Variants in NBPF3 observed in about 807,000 individuals in gnomAD.
NBPF3 encodes the protein NBPF member 3.
NBPF3 carries 57 observed loss-of-function variants against 78.1 expected under a neutral mutation model. The observed-to-expected ratio is 0.73, with a 90% CI of 0.59 to 0.91. The LOEUF is 0.91. Among genes scored for constraint, NBPF3 ranks in the 40% least tolerant of loss-of-function variants. The pLI is 0.00. For synonymous variants in NBPF3, 182 were observed against 271.7 expected (o/e 0.67, Z 3.25); for missense variants, 510 against 715.3 (o/e 0.71, Z 3.27).
intron 2 of NBPF3, chr1:21,466,999 T>C (rs1453825025): frequency 1.0e-6 from 1 of 984,804 alleles, no homozygotes; most frequent in East Asian, 1.1e-4. Flanking sequence ...TTGGCAGTGC[T>C]GAAAACTCAC....
chr1:21,452,351 G>A (rs998302476), intron 2 of NBPF3, among the ~76,000 whole-genome samples: 4 of 152,192 alleles, frequency 2.6e-5, no homozygotes, highest in African/African-American at 9.7e-5. Flanking sequence ...CCTGGACACA[G>A]TAGACAAAGG....
At chr1:21,453,587 C>T (rs1422677790) in intron 2 of NBPF3, 1 of 152,186 alleles carries the variant, frequency 6.6e-6, no homozygotes, top group African/African-American at 2.4e-5. Context: ...GGGACTTGGC[C>T]ATCTAGAGAT....
At chr1:21,439,940 C>T (rs1051326123), upstream of NBPF3, among the ~76,000 whole-genome samples, 2 of 152,166 alleles carry the variant, frequency 1.3e-5, no homozygotes, top group African/African-American at 4.8e-5. Context: ...ATTCCCCGTC[C>T]CAGCTGCACT....
intron 2 of NBPF3, chr1:21,446,481 CCTTCCTTCCTTCCCTA>C (rs1323661108): frequency 2.7e-5 from 4 of 147,902 alleles, no homozygotes; most frequent in African/African-American, 9.9e-5. Flanking sequence ...TTCCTTCCTT[CCTTCCTTCCTTCCCTA>C]CTTCCCTCCA....
chr1:21,444,782 A>G (rs1640865998), intron 1 of NBPF3, among the ~76,000 whole-genome samples, 166 bp from the exon 2 acceptor site: 1 of 152,026 alleles, frequency 6.6e-6, no homozygotes, highest in African/African-American at 2.4e-5. Flanking sequence ...GCTGGTCAGG[A>G]CTGTTGATTA....
At chr1:21,458,798 G>A (rs979037359) in intron 2 of NBPF3, among the ~76,000 whole-genome samples, 3 of 152,190 alleles carry the variant, frequency 2.0e-5, no homozygotes, top group African/African-American at 7.2e-5. Context: ...AAACTTTGGG[G>A]CGTAGGGAAA....
At chr1:21,443,158 T>C (rs1640759370) in intron 1 of NBPF3, among the ~76,000 whole-genome samples, 1 of 152,236 alleles carries the variant, frequency 6.6e-6, no homozygotes, top group Non-Finnish European at 1.5e-5. Context: ...ATCCTGTCTC[T>C]ACAAAAGATA....
chr1:21,484,268 T>C lies in NBPF3; in HGVS notation c.*882T>C, dbSNP rs530034361. On this transcript the variant is annotated 3_prime_UTR_variant, in exon 15 of 15. Coordinates refer to ENST00000318249, the MANE Select transcript of NBPF3 (RefSeq NM_032264.6). The stretch of plus-strand genomic sequence containing the variant: ...ACAACAAAAAGGAGGAGAGATATTT[T>C]GGGTTCAGAAGAAGTAAATGATAAT... 3.3e-4 allele frequency: 48 copies of C among 146,312 alleles called. No individual in the cohort carries two copies. The highest frequency in any genetic ancestry group is 1.1e-3 in the African/African-American group (45 of 39,660). The allele number at this position is 146,312 out of a possible 1,614,324, so 9.1% of individuals were successfully genotyped here. A position where few individuals can be genotyped will look rare whatever the true frequency, so the allele number is the denominator to read the frequency against.
intron 2 of NBPF3, among the ~76,000 whole-genome samples, chr1:21,463,867 C>T (rs570692859): frequency 2.0e-5 from 3 of 152,276 alleles, no homozygotes; most frequent in East Asian, 3.9e-4. Context: ...CAATGTTTTT[C>T]GTCATTAGGA....
intron 2 of NBPF3, among the ~76,000 whole-genome samples, chr1:21,452,209 G>C (rs1405891270): frequency 1.3e-5 from 2 of 152,160 alleles, no homozygotes; most frequent in Non-Finnish European, 2.9e-5. Flanking sequence ...CAAGTTTGCT[G>C]TCTGTCCCCT....
Position 21,444,981 on chromosome 1 carries a change from C to T in NBPF3, c.-106C>T, listed in dbSNP as rs1640879012. On this transcript the variant is annotated 5_prime_UTR_variant, in exon 2 of 15. Transcript: ENST00000318249. ...AAGGCAAATCCTGTTTAGACCCAGG[C>T]GAAGGTTCCTGGTGACCCAGGCTCT... 1.1e-5 allele frequency: 14 copies of T among 1,292,878 alleles called. No individual in the cohort carries two copies. Among genetic ancestry groups the T allele is most frequent in the East Asian group, 2.4e-5 (1 of 40,910 alleles). The allele number at this position is 1,292,878 out of a possible 1,614,324, so 80.1% of individuals were successfully genotyped here.
intron 9 of NBPF3, among the ~76,000 whole-genome samples, chr1:21,478,524 C>T (rs943529517): frequency 6.6e-6 from 1 of 152,236 alleles, no homozygotes; most frequent in African/African-American, 2.4e-5. Flanking sequence ...TCAGGCCATG[C>T]CTGTGCCACC....
chr1:21,464,456 G>C lies in NBPF3; in HGVS notation c.134-4232G>C, dbSNP rs183722745. ...AGTGGTTGTCAGAGAGCACAAGAGG[G>C]GGGGAATTGGAGAGTGTCTGCCCAT... On this transcript the variant is annotated intron_variant, in intron 2 of 14. Transcript: ENST00000318249. Among the ~76,000 whole-genome samples, 25 of 152,028 alleles carry C rather than the reference G, an allele frequency of 1.6e-4. No individual in the cohort carries two copies. The East Asian group carries it at 4.3e-3, about 26-fold the overall frequency.
chr1:21,457,152 G>C (rs1472990628), intron 2 of NBPF3, among the ~76,000 whole-genome samples: 1 of 146,544 alleles, frequency 6.8e-6, no homozygotes, highest in Non-Finnish European at 1.5e-5. Context: ...TCAACAGGCT[G>C]GGTCTGGTGG....
At chr1:21,444,794 A>T (rs1229562107) in intron 1 of NBPF3, 154 bp from the exon 2 acceptor site, 1 of 268,000 alleles carries the variant, frequency 3.7e-6, no homozygotes, top group Non-Finnish European at 7.1e-6. Flanking sequence ...TGTTGATTAC[A>T]TATGACAGAA....
intron 4 of NBPF3, 38 bp from the exon 5 acceptor site, chr1:21,471,531 C>T: frequency 1.2e-6 from 2 of 1,611,676 alleles, no homozygotes; most frequent in East Asian, 2.2e-5. Context: ...TCACTCATCC[C>T]TTTCCACTGT....
chr1:21,478,301 A>T lies in NBPF3; in HGVS notation c.1150A>T (p.Ile384Leu), dbSNP rs147635835. Residue 384 changes from isoleucine to leucine, a missense_variant, in exon 9 of 15, where the codon ATA becomes TTA. By Grantham distance (5) the Ile-to-Leu change is conservative. Transcript: ENST00000318249. ...ACAGCAAGTCGGCTTGGCTCTTGAC[A>T]TAGGCAGTGAGTACTCCATTTTGAA... is the stretch of plus-strand genomic sequence containing the variant. ...EEQQVGLALD[I>L]GRHWCDQVKK... 66 of 1,613,636 alleles carry T rather than the reference A, an allele frequency of 4.1e-5. No individual in the cohort carries two copies. Among genetic ancestry groups the T allele is most frequent in the Non-Finnish European group, 5.1e-5 (60 of 1,179,952 alleles).
chr1:21,457,362 ATGTATG>A (rs1181930402), intron 2 of NBPF3, among the ~76,000 whole-genome samples: 1 of 98,176 alleles, frequency 1.0e-5, no homozygotes, highest in Non-Finnish European at 2.5e-5. Context: ...ATATATATAT[ATGTATG>A]TATATATATG....
chr1:21,478,397 G>A (rs1642999778), intron 9 of NBPF3, 90 bp downstream of exon 9: 14 of 1,400,880 alleles, frequency 1.0e-5, no homozygotes, highest in Admixed American at 6.7e-5. Flanking sequence ...TGGTTGGGCT[G>A]AGAGTTGCCA....
Sources: gnomAD v4.1 joint callset for allele counts (sites outside exome capture counted in the v4.1 genomes callset) on GRCh38, gnomAD v4.1.1 for gene constraint, MANE v1.5 for transcripts, NCBI Gene and HGNC (gene_info 2026-07-23, HGNC 2026-07-21) for gene names.